The following CUX2 variants were observed in gnomAD, a reference collection of about 807,000 sequenced individuals.
The protein encoded by CUX2 is cut like homeobox 2, also known as homeobox protein cut-like 2.
Under a neutral mutation model 144.8 loss-of-function variants are expected in CUX2, and 40 were observed. The observed-to-expected ratio is 0.28, with a 90% confidence interval of 0.21 to 0.36. CUX2 has a LOEUF of 0.36. CUX2 is among the 10% of genes least tolerant of loss of function. The probability of loss-of-function intolerance (pLI) is 1.00; values close to 1 mark genes in which losing one functional copy is unlikely to be tolerated. For missense variants in CUX2, 1,615 were observed against 1,994.0 expected (o/e 0.81, Z 3.62); for synonymous variants, 827 against 875.6 (o/e 0.94, Z 0.98).
rs1440695885 is a variant in CUX2 at position 111,186,812 on chromosome 12, C to T, written c.64-27388C>T. Among the ~76,000 whole-genome samples the T allele has an allele frequency of 4.6e-5, 7 of 151,026 alleles. No individual in the cohort carries two copies. Among genetic ancestry groups the T allele is most frequent in the East Asian group, 2.0e-4 (1 of 5,084 alleles). Reference sequence around the variant, plus strand: ...TTTTTTTTTTGAGACAGAATTTCACCGCATCACCCAGACTGGAGTGCAGTG... The same window carrying T: ...TTTTTTTTTTGAGACAGAATTTCACTGCATCACCCAGACTGGAGTGCAGTG... On this transcript the variant is annotated intron_variant, in intron 1 of 21. Transcript: ENST00000261726. The surrounding 1 kb of genome is among the most constrained non-coding windows in gnomAD (Gnocchi z 4.4).
chr12:111,147,285 T>C (rs4388957), intron 1 of CUX2, among the ~76,000 whole-genome samples: 147,401 of 152,356 alleles, frequency 0.97, 71,398 homozygotes, highest in East Asian at 1. Context: ...TATCTGATTC[T>C]TAGTCCTAGC....
In CUX2 at chr12:111,320,279, C is replaced by T. The variant is rs114719470; in HGVS notation, c.2270C>T (p.Ala757Val). The T allele has an allele frequency of 2.1e-3, 3,366 of 1,594,840 alleles. 57 individuals are homozygous for T. The African/African-American group carries it at 0.041, about 19-fold the overall frequency. ...QEEGSGGPAQ[A>V]PLPVLSPAAF... ...GAGGGCAGCGGGGGCCCCGCGCAGG[C>T]GCCGCTCCCGGTCCTGTCCCCCGCC... The change falls in exon 17 of 22, where the codon GCG (alanine) becomes GTG (valine). Residue 757 changes from alanine to valine, a missense_variant. Transcript: ENST00000261726. This position sits in a 1 kb window ranked among gnomAD's most constrained non-coding sequence, Gnocchi z 8.1.
rs2136365142 is a variant in CUX2, at chr12:111,307,226, T to G, written c.1078T>G (p.Ser360Ala). 6.2e-7 allele frequency: 1 copy of G among 1,614,152 alleles called. No homozygotes were observed. The highest frequency in any genetic ancestry group is 1.7e-5 in the Admixed American group (1 of 60,026). Residue 360 changes from serine (S) to alanine (A), a missense_variant, in exon 12 of 22, where the codon TCT (serine) becomes GCT (alanine). Physicochemically the swap from Ser to Ala is moderately conservative, Grantham distance 99. Coordinates refer to ENST00000261726, the MANE Select transcript of CUX2 (RefSeq NM_015267.4). This position sits in a 1 kb window ranked among gnomAD's most constrained non-coding sequence, Gnocchi z 4.1. Reference sequence around the variant, plus strand: ...GCTGGAAGAGAAGCTCCAGGCCCAGTCTGACTATGAGGAAATTAAAACGGA... The same window carrying G: ...GCTGGAAGAGAAGCTCCAGGCCCAGGCTGACTATGAGGAAATTAAAACGGA... ...EKLEEKLQAQ[S>A]DYEEIKTELS...
At position 111,311,102 on chromosome 12, in the gene CUX2, G is replaced by C. The variant is rs74748340; in HGVS notation, c.1900+420G>C. Among the ~76,000 whole-genome samples the C allele has an allele frequency of 6.4e-3, 970 of 152,350 alleles. 17 individuals carry two copies. Among genetic ancestry groups the C allele is most frequent in the East Asian group, 0.063 (325 of 5,186 alleles). On this transcript the variant is annotated intron_variant, in intron 15 of 21. Coordinates refer to ENST00000261726, the MANE Select transcript of CUX2 (RefSeq NM_015267.4). ...CACAAATGCCTGAGTTTGAGTCCCA[G>C]CTCTGCTGTTCACCCACTGGGTGAC... is the stretch of plus-strand genomic sequence containing the variant.
At chr12:111,119,510 C>T (rs576873299) in intron 1 of CUX2, among the ~76,000 whole-genome samples, 1 of 152,196 alleles carries the variant, frequency 6.6e-6, no homozygotes, top group South Asian at 2.1e-4. Context: ...AATGTTCCCA[C>T]TGAGCCAACA....
At chr12:111,338,620 A>G in intron 20 of CUX2, 146 bp downstream of exon 20, 1 of 679,304 alleles carries the variant, frequency 1.5e-6, no homozygotes. Flanking sequence ...ACCTTGAAAA[A>G]CAATGTAACA....
chr12:111,046,947 A>G (rs532169348), intron 1 of CUX2, among the ~76,000 whole-genome samples: 77 of 152,276 alleles, frequency 5.1e-4, no homozygotes, highest in African/African-American at 1.4e-3. Flanking sequence ...GTGAGCCACC[A>G]CGCCCGGCCC....
rs192972178 is a variant in CUX2, at chr12:111,326,562, C to T, written c.2926+3982C>T. Among the ~76,000 whole-genome samples, 20 of 151,924 alleles carry T rather than the reference C, an allele frequency of 1.3e-4. No homozygotes were observed. In the East Asian group the frequency reaches 1.7e-3, roughly 13 times the overall value. On this transcript the variant is annotated intron_variant, in intron 18 of 21. Transcript: ENST00000261726. Reference sequence around the variant, plus strand: ...CCCAGGCTGGAGTGGTGAGCCACTGCGCCTGGTCTGTGGTGTTAGGTTTTA... The same window carrying T: ...CCCAGGCTGGAGTGGTGAGCCACTGTGCCTGGTCTGTGGTGTTAGGTTTTA...
chr12:111,324,949 T>C (rs1287884871), intron 18 of CUX2, among the ~76,000 whole-genome samples: 4 of 152,108 alleles, frequency 2.6e-5, no homozygotes, highest in Non-Finnish European at 5.9e-5. Context: ...ATAAATACAA[T>C]GATTTAAAAA....
In CUX2 at chr12:111,322,339, AAAAAAG is replaced by A; in HGVS notation, c.2767-81_2767-76del. On this transcript the variant is annotated intron_variant, in intron 17 of 21. Transcript: ENST00000261726. The surrounding 1 kb of genome is among the most constrained non-coding windows in gnomAD (Gnocchi z 4.2). ...TCTGCCTCAAAAAAAAAAAAAAAAA[AAAAAAG>A]GTTGGGGAGGAGAGTGAGGGCCAGG... is the stretch of plus-strand genomic sequence containing the variant. 1 of 1,331,104 alleles carries A rather than the reference AAAAAAG, an allele frequency of 7.5e-7. No homozygotes were observed. Among genetic ancestry groups the A allele is most frequent in the African/African-American group, 1.5e-5 (1 of 66,576 alleles). 82.5% of individuals were successfully genotyped at this position (1,331,104 alleles called of 1,614,324 possible).
Position 111,164,347 on chromosome 12 carries a change from G to A in CUX2, c.64-49853G>A, listed in dbSNP as rs976086723. On this transcript the variant is annotated intron_variant, in intron 1 of 21. Transcript: ENST00000261726. ...TCCCAGCACTTTGGGAGGCTGAGGC[G>A]GGTGGATTACTTGAGGTCAGGAGTT... 2.0e-5 allele frequency among the ~76,000 whole-genome samples: 3 copies of A among 151,922 alleles called. No homozygotes were observed. In the East Asian group the frequency reaches 5.8e-4, roughly 29 times the overall value.
chr12:111,268,496 C>A (rs1003331071), intron 4 of CUX2, among the ~76,000 whole-genome samples: 3 of 152,254 alleles, frequency 2.0e-5, no homozygotes, highest in Non-Finnish European at 4.4e-5. Context: ...GCTGCCTGGT[C>A]CCATGCTCCA....
intron 1 of CUX2, among the ~76,000 whole-genome samples, chr12:111,213,711 T>G (rs956664128): frequency 2.0e-5 from 3 of 152,150 alleles, no homozygotes; most frequent in African/African-American, 7.2e-5. Flanking sequence ...AACCTTTAAG[T>G]GTAAGTAAGT....
In CUX2 at chr12:111,201,083, G is replaced by GCCCCTC. The variant is rs1880555612; in HGVS notation, c.64-13116_64-13111dup. On this transcript the variant is annotated intron_variant, in intron 1 of 21. Transcript: ENST00000261726. ...AAAATGGCTTGTGACCACCCTGGCCGCCCCTCGTTTGAGGGCCTCCCCTCT... is the reference window on the plus strand; with the variant it reads ...AAAATGGCTTGTGACCACCCTGGCCGCCCCTCCCCCTCGTTTGAGGGCCTCCCCTCT... 3.3e-5 allele frequency among the ~76,000 whole-genome samples: 5 copies of GCCCCTC among 152,196 alleles called. No individual in the cohort carries two copies. In the South Asian group the frequency reaches 1.0e-3, roughly 32 times the overall value.
intron 1 of CUX2, among the ~76,000 whole-genome samples, chr12:111,187,216 C>T (rs1879597006): frequency 6.6e-6 from 1 of 152,182 alleles, no homozygotes; most frequent in Non-Finnish European, 1.5e-5. Context: ...AATGCCAGGC[C>T]TCCATATCAC....
At chr12:111,265,467 G>A (rs553478677) in intron 4 of CUX2, among the ~76,000 whole-genome samples, 59 of 151,728 alleles carry the variant, frequency 3.9e-4, no homozygotes, top group Non-Finnish European at 3.8e-4. Flanking sequence ...TCAGCCTCCC[G>A]AGTAGCTGGG....
At chr12:111,082,454 C>T (rs532758981) in intron 1 of CUX2, among the ~76,000 whole-genome samples, 1 of 152,304 alleles carries the variant, frequency 6.6e-6, no homozygotes, top group African/African-American at 2.4e-5. Flanking sequence ...TCTTGAATGC[C>T]TACGGTGTGC....
chr12:111,221,362 C>T (rs1426666718), intron 3 of CUX2, among the ~76,000 whole-genome samples: 8 of 152,164 alleles, frequency 5.3e-5, no homozygotes, highest in African/African-American at 1.7e-4. Flanking sequence ...GAAAAAGCTG[C>T]ACATGCACAG....
At position 111,059,705 on chromosome 12, in the gene CUX2, T is replaced by G. The variant is rs2136019232; in HGVS notation, c.63+25465T>G. On this transcript the variant is annotated intron_variant, in intron 1 of 21. Transcript: ENST00000261726. This position sits in a 1 kb window ranked among gnomAD's most constrained non-coding sequence, Gnocchi z 5.3. ...TTCTAAAGATAGAGCCCCTTAGATA[T>G]AGGAGGAGGGGAGGGTGATGTGGAA... Among the ~76,000 whole-genome samples the G allele has an allele frequency of 6.6e-6, 1 of 151,360 alleles. No homozygotes were observed. The highest frequency in any genetic ancestry group is 2.0e-4 in the East Asian group (1 of 5,114).
Sources: gnomAD v4.1 joint callset for allele counts (sites outside exome capture counted in the v4.1 genomes callset) on GRCh38, gnomAD v4.1.1 for gene constraint, Gnocchi (gnomAD v3.1) non-coding constraint, MANE v1.5 for transcripts, NCBI Gene and HGNC (gene_info 2026-07-23, HGNC 2026-07-21) for gene names.